Variants in DPP6 observed in about 807,000 individuals in gnomAD.
DPP6 encodes dipeptidyl peptidase like 6.
A neutral mutation model predicts 122.6 loss-of-function variants in DPP6; 69 were observed. The ratio of observed to expected loss-of-function variants is 0.56; its 90% CI spans 0.46 to 0.69. DPP6 has a LOEUF of 0.69. Among genes scored for constraint, DPP6 ranks in the 30% least tolerant of loss-of-function variants. The probability of loss-of-function intolerance (pLI) is 0.00; values close to 1 mark genes in which losing one functional copy is unlikely to be tolerated. For missense variants in DPP6, 928 were observed against 1,116.9 expected (o/e 0.83, Z 2.41); for synonymous variants, 418 against 433.1 (o/e 0.97, Z 0.43).
intron 1 of DPP6, among the ~76,000 whole-genome samples, chr7:154,036,215 A>G (rs1029389138): frequency 2.7e-5 from 4 of 149,272 alleles, no homozygotes; most frequent in African/African-American, 1.0e-4. Flanking sequence ...GGTTCAAATG[A>G]TTCTCCTGCC....
intron 1 of DPP6, among the ~76,000 whole-genome samples, chr7:154,438,494 A>AG (rs1431555672): frequency 1.3e-5 from 2 of 149,236 alleles, no homozygotes; most frequent in Non-Finnish European, 3.0e-5. Context: ...AAAAAAAAAA[A>AG]AAAGAAAAGA....
intron 5 of DPP6, among the ~76,000 whole-genome samples, chr7:154,567,894 A>T (rs555968954): frequency 6.6e-6 from 1 of 152,344 alleles, no homozygotes; most frequent in South Asian, 2.1e-4. Context: ...TGAATTCTTA[A>T]ACTTTCTTTT....
At chr7:154,313,686 T>TGTGTGTGTGTAC (rs1491447277) in intron 1 of DPP6, among the ~76,000 whole-genome samples, 1 of 7,808 alleles carries the variant, frequency 1.3e-4, no homozygotes, top group African/African-American at 1.4e-3. Context: ...TAAGATATGG[T>TGTGTGTGTGTAC]ATATATATAT....
At chr7:154,182,581 T>C (rs1426181059) in intron 1 of DPP6, among the ~76,000 whole-genome samples, 3 of 152,148 alleles carry the variant, frequency 2.0e-5, no homozygotes, top group East Asian at 3.9e-4. Flanking sequence ...CTGGAAATGT[T>C]TGGCAGCCAG....
At chr7:154,030,689 C>A (rs1799180327) in intron 1 of DPP6, among the ~76,000 whole-genome samples, 1 of 152,162 alleles carries the variant, frequency 6.6e-6, no homozygotes, top group African/African-American at 2.4e-5. Context: ...ATCTGACGCT[C>A]TCCTCTTGTG....
At chr7:154,478,330 C>A (rs57448624) in intron 3 of DPP6, among the ~76,000 whole-genome samples, 1 of 151,542 alleles carries the variant, frequency 6.6e-6, no homozygotes, top group East Asian at 1.9e-4. Context: ...GGCCCAAAAG[C>A]GGTGAGCGAT....
intron 7 of DPP6, among the ~76,000 whole-genome samples, chr7:154,715,278 A>G (rs1457628324): frequency 2.6e-5 from 4 of 152,198 alleles, no homozygotes; most frequent in Non-Finnish European, 4.4e-5. Context: ...CTGGTTGGCC[A>G]GGCTGGTCTC....
At chr7:154,562,534 A>G (rs534815582) in intron 4 of DPP6, among the ~76,000 whole-genome samples, 14 of 152,290 alleles carry the variant, frequency 9.2e-5, no homozygotes, top group African/African-American at 2.6e-4. Context: ...AGATTAGGGA[A>G]AAAAGCAAGG....
the DPP6 span, among the ~76,000 whole-genome samples, chr7:153,863,023 T>G: frequency 6.6e-6 from 1 of 152,336 alleles, no homozygotes; most frequent in East Asian, 1.9e-4. Flanking sequence ...TTAAAATATA[T>G]TGGTTGAATA....
intron 1 of DPP6, among the ~76,000 whole-genome samples, chr7:154,121,832 T>C (rs1807495432): frequency 6.6e-6 from 1 of 152,240 alleles, no homozygotes; most frequent in African/African-American, 2.4e-5. Flanking sequence ...GCCAGTGTCA[T>C]GTCCACAATA....
At chr7:154,390,816 G>A (rs1814552537) in intron 1 of DPP6, among the ~76,000 whole-genome samples, 1 of 152,092 alleles carries the variant, frequency 6.6e-6, no homozygotes, top group Non-Finnish European at 1.5e-5. Context: ...GTTCCACACG[G>A]TCCTCTTCTG....
intron 1 of DPP6, among the ~76,000 whole-genome samples, chr7:153,967,617 C>T (rs555254116): frequency 3.9e-5 from 6 of 152,182 alleles, no homozygotes; most frequent in East Asian, 3.9e-4. Flanking sequence ...TTACAAAGCT[C>T]GTGTCCAACC....
At chr7:154,040,911 G>C (rs1307103851) in intron 1 of DPP6, among the ~76,000 whole-genome samples, 1 of 150,726 alleles carries the variant, frequency 6.6e-6, no homozygotes, top group East Asian at 2.0e-4. Context: ...TGGTGGAGTG[G>C]GTTCCAAACT....
At chr7:154,439,065 A>G (rs1185178767) in intron 1 of DPP6, among the ~76,000 whole-genome samples, 1 of 152,204 alleles carries the variant, frequency 6.6e-6, no homozygotes, top group Non-Finnish European at 1.5e-5. Flanking sequence ...AGTGAGCTCC[A>G]ATTACTTTAG....
At chr7:153,874,676 C>A in the DPP6 span, among the ~76,000 whole-genome samples, 1 of 152,162 alleles carries the variant, frequency 6.6e-6, no homozygotes, top group South Asian at 2.1e-4. Context: ...GTGTCTGGCC[C>A]AAAATGTAGA....
At chr7:154,231,566 A>G (rs1800919023) in intron 1 of DPP6, among the ~76,000 whole-genome samples, 1 of 152,190 alleles carries the variant, frequency 6.6e-6, no homozygotes, top group South Asian at 2.1e-4. Flanking sequence ...AGGTGTCGGC[A>G]TGGAATAATA....
chr7:154,181,856 C>T (rs1222485674), intron 1 of DPP6, among the ~76,000 whole-genome samples: 1 of 150,450 alleles, frequency 6.6e-6, no homozygotes, highest in African/African-American at 2.4e-5. Context: ...TCAAGTGATT[C>T]TCCTGCCTCA....
chr7:154,669,424 C>T lies in DPP6; in HGVS notation c.745C>T (p.Pro249Ser), dbSNP rs1175711044. 2 of 1,554,696 alleles carry T rather than the reference C, an allele frequency of 1.3e-6. No individual in the cohort carries two copies. The highest frequency in any genetic ancestry group is 2.4e-5 in the East Asian group (1 of 41,372). ...NAKLQYAGWGPKGQQLIFIFE... is the reference protein window; with the variant it reads ...NAKLQYAGWGSKGQQLIFIFE... ...AAAACTTCAGTATGCAGGATGGGGC[C>T]CTAAAGGCCAACAGCTGGTAAGCCA... The change falls in exon 7 of 26, where the codon CCT becomes TCT. Residue 249 changes from proline to serine, a missense_variant. Coordinates refer to ENST00000377770, the MANE Select transcript of DPP6 (RefSeq NM_130797.4).
At chr7:154,106,020 TC>T (rs1806137577) in intron 1 of DPP6, among the ~76,000 whole-genome samples, 6 of 151,656 alleles carry the variant, frequency 4.0e-5, no homozygotes, top group Admixed American at 3.9e-4. Context: ...ACGGTATAAC[TC>T]CCCTGAATAC....
Sources: gnomAD v4.1 joint callset for allele counts (sites outside exome capture counted in the v4.1 genomes callset) on GRCh38, gnomAD v4.1.1 for gene constraint, MANE v1.5 for transcripts, NCBI Gene and HGNC (gene_info 2026-07-23, HGNC 2026-07-21) for gene names.